CTNND2: variants seen among roughly 807,000 people sequenced by gnomAD.
CTNND2 encodes the protein catenin delta 2, also known as catenin delta-2.
In CTNND2, 22 loss-of-function variants were observed where a neutral mutation model predicts 144.4. The observed-to-expected ratio is 0.15, with a 90% confidence interval of 0.11 to 0.22. The LOEUF is 0.22. Ranked by LOEUF, CTNND2 falls within the 10% of genes least tolerant of loss-of-function variation. CTNND2 has a pLI of 1.00. For missense variants in CTNND2, 1,353 were observed against 1,618.8 expected, an observed-to-expected ratio of 0.84 and a Z score of 2.82; for synonymous variants, 751 against 695.6, an observed-to-expected ratio of 1.08 and a Z score of -1.25.
In CTNND2 at chr5:11,641,403, C is replaced by G. The variant is rs539315194; in HGVS notation, c.175-76347G>C. On this transcript the variant is annotated intron_variant, in intron 2 of 21. Transcript: ENST00000304623. ...CTTCCCACTGGAAAAGACATTTAATCTCTTTGAGCATCTATTTCCTTCTCA... is the reference window on the plus strand; with the variant it reads ...CTTCCCACTGGAAAAGACATTTAATGTCTTTGAGCATCTATTTCCTTCTCA... Among the ~76,000 whole-genome samples the G allele has an allele frequency of 2.0e-5, 3 of 148,428 alleles. No individual in the cohort carries two copies. In the South Asian group the frequency reaches 6.3e-4, roughly 31 times the overall value.
At chr5:11,240,495 AAC>A (rs1284888403) in intron 9 of CTNND2, among the ~76,000 whole-genome samples, 24 of 95,070 alleles carry the variant, frequency 2.5e-4, no homozygotes, top group South Asian at 7.3e-4. Flanking sequence ...ACACACACCC[AAC>A]ACACACACCC....
chr5:11,602,803 T>A (rs922962104), intron 2 of CTNND2, among the ~76,000 whole-genome samples: 1 of 146,576 alleles, frequency 6.8e-6, no homozygotes, highest in African/African-American at 2.5e-5. Context: ...TAATATATAT[T>A]AATATATATT....
intron 11 of CTNND2, among the ~76,000 whole-genome samples, chr5:11,169,974 G>A (rs1474337196): frequency 6.6e-6 from 1 of 152,108 alleles, no homozygotes; most frequent in Non-Finnish European, 1.5e-5. Flanking sequence ...AATTGTAGCC[G>A]AAAATATCTA....
intron 1 of CTNND2, among the ~76,000 whole-genome samples, chr5:11,808,166 A>C (rs2126901988): frequency 6.6e-6 from 1 of 152,324 alleles, no homozygotes; most frequent in East Asian, 1.9e-4. Context: ...ACTGTACCAC[A>C]CCACATTAAA....
chr5:11,159,803 T>C, intron 11 of CTNND2, 44 bp from the exon 12 acceptor site: 2 of 1,462,116 alleles, frequency 1.4e-6, no homozygotes, highest in Non-Finnish European at 1.8e-6. Context: ...GCCACAAGTT[T>C]TTCTCATCTC....
At chr5:11,758,448 G>A (rs748797104) in intron 1 of CTNND2, among the ~76,000 whole-genome samples, 5 of 151,820 alleles carry the variant, frequency 3.3e-5, no homozygotes, top group African/African-American at 7.3e-5. Flanking sequence ...AAGCTCATTC[G>A]TCCTGTCTAA....
At chr5:11,672,994 A>ATT (rs1783983118) in intron 2 of CTNND2, among the ~76,000 whole-genome samples, 1 of 152,066 alleles carries the variant, frequency 6.6e-6, no homozygotes, top group Non-Finnish European at 1.5e-5. Flanking sequence ...TGCAGAAATC[A>ATT]CCCACCTTTT....
intron 2 of CTNND2, among the ~76,000 whole-genome samples, chr5:11,653,698 C>T (rs1347274197): frequency 2.7e-5 from 4 of 150,552 alleles, no homozygotes; most frequent in Non-Finnish European, 5.9e-5. Context: ...GTTGCCTTTT[C>T]ATTTTGTTGT....
At chr5:11,476,034 A>ATTT (rs376732931) in intron 3 of CTNND2, among the ~76,000 whole-genome samples, 1 of 132,310 alleles carries the variant, frequency 7.6e-6, no homozygotes, top group Non-Finnish European at 1.6e-5. Flanking sequence ...TAATTTTTCT[A>ATTT]TTTTTTTTTT....
chr5:11,359,643 C>A (rs1397477101), intron 8 of CTNND2, among the ~76,000 whole-genome samples: 2 of 152,196 alleles, frequency 1.3e-5, no homozygotes, highest in African/African-American at 4.8e-5. Flanking sequence ...ATCTGCCTCC[C>A]TGTTCAAAGC....
chr5:11,011,351 T>C (rs1380153807), intron 18 of CTNND2, among the ~76,000 whole-genome samples: 1 of 152,090 alleles, frequency 6.6e-6, no homozygotes, highest in Non-Finnish European at 1.5e-5. Context: ...GTAGCTGGGA[T>C]TACAGGCGGA....
chr5:11,548,575 T>C (rs1392686416), intron 3 of CTNND2, among the ~76,000 whole-genome samples: 2 of 152,200 alleles, frequency 1.3e-5, no homozygotes, highest in African/African-American at 2.4e-5. Flanking sequence ...TAGTTCAGTA[T>C]AATATTTTTA....
At chr5:11,540,956 G>A (rs1000772277) in intron 3 of CTNND2, among the ~76,000 whole-genome samples, 2 of 152,206 alleles carry the variant, frequency 1.3e-5, no homozygotes, top group African/African-American at 4.8e-5. Context: ...GGGGACAAAT[G>A]CTCTAAACTT....
intron 19 of CTNND2, among the ~76,000 whole-genome samples, chr5:10,990,966 C>T (rs1286674018): frequency 1.3e-5 from 2 of 152,220 alleles, no homozygotes. Context: ...TTCCAAAAGA[C>T]ACCATCCATA....
chr5:11,377,500 G>C lies in CTNND2; in HGVS notation c.1177+7165C>G, dbSNP rs372932015. On this transcript the variant is annotated intron_variant, in intron 7 of 21. Transcript: ENST00000304623. The stretch of plus-strand genomic sequence containing the variant: ...ATCTTAGGTAGTTTTCATTTTTTTA[G>C]GGCACATTTTCTCAGCTAAAGCACA... 3.7e-4 allele frequency among the ~76,000 whole-genome samples: 57 copies of C among 152,028 alleles called. No homozygotes were observed. In the East Asian group the frequency reaches 7.0e-3, roughly 19 times the overall value.
At chr5:11,269,268 A>G (rs1013355106) in intron 9 of CTNND2, among the ~76,000 whole-genome samples, 1 of 152,244 alleles carries the variant, frequency 6.6e-6, no homozygotes, top group Non-Finnish European at 1.5e-5. Flanking sequence ...GTGATACTGA[A>G]TCACTCATCT....
intron 2 of CTNND2, among the ~76,000 whole-genome samples, chr5:11,688,933 C>G (rs1346226916): frequency 6.6e-6 from 1 of 152,140 alleles, no homozygotes; most frequent in Non-Finnish European, 1.5e-5. Flanking sequence ...CGGAGTTGCC[C>G]TTTTGATGAA....
intron 1 of CTNND2, among the ~76,000 whole-genome samples, chr5:11,868,353 G>A (rs1795874572): frequency 6.6e-6 from 1 of 152,098 alleles, no homozygotes; most frequent in African/African-American, 2.4e-5. Context: ...CTACCAGTTT[G>A]AACATCATCT....
intron 3 of CTNND2, among the ~76,000 whole-genome samples, chr5:11,553,187 G>T (rs2150087631): frequency 6.6e-6 from 1 of 152,172 alleles, no homozygotes; most frequent in South Asian, 2.1e-4. Context: ...ACACAATATT[G>T]AAAATCTCAT....
Sources: gnomAD v4.1 joint callset for allele counts (sites outside exome capture counted in the v4.1 genomes callset) on GRCh38, gnomAD v4.1.1 for gene constraint, MANE v1.5 for transcripts, NCBI Gene and HGNC (gene_info 2026-07-23, HGNC 2026-07-21) for gene names.